Variants in DNAL1 observed in about 807,000 individuals in gnomAD.
DNAL1 encodes the protein dynein axonemal light chain 1, also known as chromosome 14 open reading frame 168.
A neutral mutation model predicts 29.4 loss-of-function variants in DNAL1; 17 were observed. The observed-to-expected ratio is 0.58, with a 90% CI of 0.40 to 0.87. The LOEUF (loss-of-function observed/expected upper bound fraction) is 0.87. Ranked by LOEUF, DNAL1 falls within the 40% of genes least tolerant of loss-of-function variation. The probability of loss-of-function intolerance (pLI) is 0.00; values close to 1 mark genes in which losing one functional copy is unlikely to be tolerated. For missense variants in DNAL1, 188 were observed against 214.1 expected (o/e 0.88, Z 0.76); for synonymous variants, 78 against 76.3 (o/e 1.02, Z -0.12).
intron 1 of DNAL1, among the ~76,000 whole-genome samples, chr14:73,653,477 A>G (rs1204809169): frequency 1.3e-5 from 2 of 151,998 alleles, no homozygotes; most frequent in Non-Finnish European, 2.9e-5. Flanking sequence ...TCAGCCTCCC[A>G]AATAGCTAGG....
chr14:73,681,092 TTTG>T (rs145987029), intron 5 of DNAL1, among the ~76,000 whole-genome samples: 34,371 of 151,448 alleles, frequency 0.23, 4,974 homozygotes, highest in Non-Finnish European at 0.33. Flanking sequence ...CTGTAGATTT[TTTG>T]TTGTTGTTGT....
At chr14:73,685,480 G>A (rs1450045376) in intron 5 of DNAL1, among the ~76,000 whole-genome samples, 1 of 135,686 alleles carries the variant, frequency 7.4e-6, no homozygotes, top group Non-Finnish European at 1.6e-5. Flanking sequence ...TTTTTTTTGA[G>A]ACTGAGTCTC....
intron 1 of DNAL1, among the ~76,000 whole-genome samples, chr14:73,645,461 C>T (rs1160415474): frequency 6.6e-6 from 1 of 152,116 alleles, no homozygotes; most frequent in Non-Finnish European, 1.5e-5. Flanking sequence ...CGGATTGCAG[C>T]AGTTTTCGTA....
chr14:73,660,149 C>T (rs903451608), intron 3 of DNAL1, among the ~76,000 whole-genome samples: 3 of 152,018 alleles, frequency 2.0e-5, no homozygotes, highest in African/African-American at 4.8e-5. Flanking sequence ...AGGCTGGTCT[C>T]GAACTCCTGA....
chr14:73,666,806 A>G (rs138894518), intron 4 of DNAL1, among the ~76,000 whole-genome samples: 3 of 151,806 alleles, frequency 2.0e-5, no homozygotes, highest in Non-Finnish European at 2.9e-5. Flanking sequence ...GATACGGATG[A>G]TTTCTCTTCC....
chr14:73,673,648 GC>G (rs1288525082), intron 5 of DNAL1, among the ~76,000 whole-genome samples: 1 of 152,084 alleles, frequency 6.6e-6, no homozygotes, highest in Non-Finnish European at 1.5e-5. Context: ...CGGTAATCTG[GC>G]ACTTAGAAGG....
At chr14:73,671,689 G>A in intron 5 of DNAL1, 92 bp downstream of exon 5, 2 of 1,261,170 alleles carry the variant, frequency 1.6e-6, no homozygotes, top group Non-Finnish European at 2.1e-6. Context: ...GAATTACTAG[G>A]TCAAAAGGTA....
At chr14:73,690,027 A>C (rs1892130662) in intron 7 of DNAL1, among the ~76,000 whole-genome samples, 1 of 133,554 alleles carries the variant, frequency 7.5e-6, no homozygotes. Flanking sequence ...AAAAGAGTGA[A>C]ATTCCGTCTC....
At chr14:73,682,869 ATTTTTTTT>A (rs57815202) in intron 5 of DNAL1, among the ~76,000 whole-genome samples, 14,666 of 102,150 alleles carry the variant, frequency 0.14, 848 homozygotes, top group Middle Eastern at 0.23. Flanking sequence ...TTTTATAGTT[ATTTTTTTT>A]TTTTTTTTTT....
intron 3 of DNAL1, among the ~76,000 whole-genome samples, chr14:73,661,686 A>G (rs1156578209): frequency 1.3e-5 from 2 of 152,154 alleles, no homozygotes; most frequent in Non-Finnish European, 1.5e-5. Flanking sequence ...TGGAAGTTGC[A>G]GTGAACTGAA....
chr14:73,684,319 G>A (rs889735479), intron 5 of DNAL1, among the ~76,000 whole-genome samples: 1 of 152,152 alleles, frequency 6.6e-6, no homozygotes, highest in Non-Finnish European at 1.5e-5. Flanking sequence ...ATACCCTGTA[G>A]TGAGATTGCT....
rs77990464 is a variant in DNAL1, at chr14:73,685,370, T to C, written c.265-1889T>C. 1.2e-3 allele frequency among the ~76,000 whole-genome samples: 183 copies of C among 152,306 alleles called. 1 individual carries two copies. In the East Asian group the frequency reaches 0.034, roughly 28 times the overall value. On this transcript the variant is annotated intron_variant, in intron 5 of 7. Coordinates refer to ENST00000553645, the MANE Select transcript of DNAL1 (RefSeq NM_031427.4). ...CATATAAGTAGTATCATACAGCATT[T>C]ATCTTTTTGTGACTGGCTTATTTAA... is the stretch of plus-strand genomic sequence containing the variant.
At chr14:73,651,337 G>T (rs549260344) in intron 1 of DNAL1, 2 of 152,126 alleles carry the variant, frequency 1.3e-5, no homozygotes, top group South Asian at 4.1e-4. Flanking sequence ...AGTAAATTGG[G>T]CTCCTTATGT....
At chr14:73,668,208 T>C (rs1891533314) in intron 4 of DNAL1, among the ~76,000 whole-genome samples, 1 of 151,834 alleles carries the variant, frequency 6.6e-6, no homozygotes, top group Non-Finnish European at 1.5e-5. Context: ...CTCCTTCACA[T>C]TTTTCACTAT....
intron 5 of DNAL1, among the ~76,000 whole-genome samples, chr14:73,682,170 A>C: frequency 7.8e-6 from 1 of 128,644 alleles, no homozygotes; most frequent in Non-Finnish European, 1.7e-5. Flanking sequence ...GCTTACTGTA[A>C]CTTTTTTTTT....
At chr14:73,653,940 A>G (rs1187169935) in intron 1 of DNAL1, among the ~76,000 whole-genome samples, 1 of 152,234 alleles carries the variant, frequency 6.6e-6, no homozygotes, top group African/African-American at 2.4e-5. Context: ...GAATTGAACT[A>G]TGACAAATAC....
At position 73,695,915 on chromosome 14, in the gene DNAL1, TA is replaced by T; in HGVS notation, c.549del (p.Asp185MetfsTer15). The T allele has an allele frequency of 6.3e-7, 1 of 1,587,386 alleles. No individual in the cohort carries two copies. Among genetic ancestry groups the T allele is most frequent in the Non-Finnish European group, 8.6e-7 (1 of 1,165,404 alleles). On this transcript the variant is annotated frameshift_variant, in exon 8 of 8. Transcript: ENST00000553645. LOFTEE classifies it high-confidence loss of function. ...TTTTCATTTTAGGTACTCCAGTAAT[TA>T]AAGGGGATGAGGAAGAAGACAACTA... ...LKKLDGTPVI[K>X]GDEEEDN
intron 1 of DNAL1, among the ~76,000 whole-genome samples, chr14:73,651,865 C>A (rs1455596784): frequency 6.6e-6 from 1 of 152,130 alleles, no homozygotes; most frequent in African/African-American, 2.4e-5. Flanking sequence ...CCATGTTGGC[C>A]AGCCTGGTCT....
intron 5 of DNAL1, among the ~76,000 whole-genome samples, chr14:73,675,604 G>A (rs1363944856): frequency 6.6e-6 from 1 of 152,018 alleles, no homozygotes; most frequent in Non-Finnish European, 1.5e-5. Context: ...CACTGTGAGG[G>A]CCTGGCCATT....
Sources: gnomAD v4.1 joint callset for allele counts (sites outside exome capture counted in the v4.1 genomes callset) on GRCh38, gnomAD v4.1.1 for gene constraint, MANE v1.5 for transcripts, NCBI Gene and HGNC (gene_info 2026-07-23, HGNC 2026-07-21) for gene names.